Variants in COL11A1 observed in about 807,000 individuals in gnomAD.
The protein encoded by COL11A1 is collagen type XI alpha 1 chain, also known as collagen alpha-1(XI) chain.
Under a neutral mutation model 265.2 loss-of-function variants are expected in COL11A1, and 74 were observed. The ratio of observed to expected loss-of-function variants is 0.28; its 90% CI spans 0.23 to 0.34. COL11A1 has a LOEUF of 0.34. Ranked by LOEUF, COL11A1 falls within the 10% of genes least tolerant of loss-of-function variation. The pLI is 1.00. For missense variants in COL11A1, 2,165 were observed against 2,263.6 expected (o/e 0.96, Z 0.88); for synonymous variants, 816 against 727.6 (o/e 1.12, Z -1.96).
chr1:102,926,933 T>A (rs1656659948), intron 46 of COL11A1, among the ~76,000 whole-genome samples: 1 of 152,118 alleles, frequency 6.6e-6, no homozygotes, highest in African/African-American at 2.4e-5. Context: ...ATGACAAATA[T>A]GAAAGTGAAG....
chr1:102,980,560 T>C (rs1402393309), intron 31 of COL11A1, among the ~76,000 whole-genome samples: 1 of 152,160 alleles, frequency 6.6e-6, no homozygotes, highest in Non-Finnish European at 1.5e-5. Flanking sequence ...GTAAAATGTC[T>C]AGCCTCTGTG....
At position 102,960,487 on chromosome 1, in the gene COL11A1, TGG is replaced by T. The variant is rs36115713; in HGVS notation, c.3168+1377_3168+1378del. On this transcript the variant is annotated intron_variant, in intron 41 of 66. Transcript: ENST00000370096. ...TAATAAAGGTCACTGGGTGTGTGTG[TGG>T]GGGGGGGAATTTTTACAAATACATG... Among the ~76,000 whole-genome samples the T allele has an allele frequency of 5.9e-3, 708 of 119,818 alleles. 1 individual carries two copies. The highest frequency in any genetic ancestry group is 0.024 in the South Asian group (83 of 3,452). 78.6% of individuals were successfully genotyped at this position (119,818 alleles called of 152,430 possible). A position where few individuals can be genotyped will look rare whatever the true frequency, so the allele number is the denominator to read the frequency against.
chr1:102,922,420 G>A (rs1270710430), intron 47 of COL11A1, among the ~76,000 whole-genome samples: 3 of 152,074 alleles, frequency 2.0e-5, no homozygotes, highest in East Asian at 1.9e-4. Context: ...TTTCTGAGAC[G>A]GAGTCTTGCT....
intron 28 of COL11A1, 30 bp downstream of exon 28, chr1:102,995,834 A>C (rs376557729): frequency 1.9e-5 from 30 of 1,558,250 alleles, no homozygotes; most frequent in Non-Finnish European, 2.2e-5. Context: ...ATACACAGAA[A>C]TTAATACCAT....
chr1:103,010,246 TC>T (rs1399337538), intron 14 of COL11A1, among the ~76,000 whole-genome samples: 4 of 152,182 alleles, frequency 2.6e-5, no homozygotes, highest in Admixed American at 1.3e-4. Flanking sequence ...CTTTTCTAAA[TC>T]TTAATCTAGT....
intron 28 of COL11A1, among the ~76,000 whole-genome samples, chr1:102,994,001 G>A (rs1319407585): frequency 1.3e-5 from 2 of 152,152 alleles, no homozygotes; most frequent in East Asian, 3.9e-4. Flanking sequence ...GTGAGCTAAT[G>A]TGAAATGCAT....
At chr1:102,883,488 T>A (rs1275771566) in intron 63 of COL11A1, among the ~76,000 whole-genome samples, 177 bp from the exon 64 acceptor site, 1 of 152,200 alleles carries the variant, frequency 6.6e-6, no homozygotes, top group African/African-American at 2.4e-5. Flanking sequence ...ATACTTTCTC[T>A]TGTCTGCCTC....
chr1:102,881,845 T>C (rs1650283104), intron 64 of COL11A1, 80 bp from the exon 65 acceptor site: 1 of 1,016,666 alleles, frequency 9.8e-7, no homozygotes, highest in Non-Finnish European at 1.5e-6. Context: ...ATATAATTCA[T>C]TTTCAGTAAG....
chr1:102,900,689 A>G (rs1557792793), intron 54 of COL11A1, among the ~76,000 whole-genome samples: 2 of 152,170 alleles, frequency 1.3e-5, no homozygotes, highest in South Asian at 2.1e-4. Flanking sequence ...GAGAAAGAAA[A>G]TCAGTATTAG....
chr1:102,977,489 G>A (rs1431906779), intron 35 of COL11A1, among the ~76,000 whole-genome samples: 1 of 152,086 alleles, frequency 6.6e-6, no homozygotes, highest in Non-Finnish European at 1.5e-5. Context: ...TTAAAATGCA[G>A]TATCAGCAAA....
At chr1:102,983,029 C>T (rs866285279) in intron 31 of COL11A1, among the ~76,000 whole-genome samples, 1 of 152,018 alleles carries the variant, frequency 6.6e-6, no homozygotes, top group Non-Finnish European at 1.5e-5. Context: ...TTCTCTGTCT[C>T]CCTCCTGTAT....
At position 103,031,102 on chromosome 1, in the gene COL11A1, C is replaced by G; in HGVS notation, c.780+14G>C. Reference sequence around the variant, plus strand: ...CTGAAATACGAAGACCTTCTCTGGTCTTGTGCTCCTCACCTCATCTATCTG... The same window carrying G: ...CTGAAATACGAAGACCTTCTCTGGTGTTGTGCTCCTCACCTCATCTATCTG... On this transcript the variant is annotated intron_variant, in intron 5 of 66. Transcript: ENST00000370096. 6.2e-7 allele frequency: 1 copy of G among 1,613,124 alleles called. No individual in the cohort carries two copies. The highest frequency in any genetic ancestry group is 1.3e-5 in the African/African-American group (1 of 75,010).
chr1:102,881,761 C>A lies in COL11A1; in HGVS notation c.4976G>T (p.Arg1659Ile). The change falls in exon 65 of 67, where the codon AGA becomes ATA. Residue 1659 changes from arginine to isoleucine, a missense_variant. Physicochemically the swap from Arg to Ile is moderately conservative, Grantham distance 97. Coordinates refer to ENST00000370096, the MANE Select transcript of COL11A1 (RefSeq NM_001854.4). The part of the protein sequence containing the change: ...IYPDKKSEGV[R>I]ISSWPKEKPG... ...TTTCTCCTTTGGCCATGATGAAATT[C>A]TTACCTGTTGCAAAGGAACAGAAAA... The A allele has an allele frequency of 2.5e-6, 4 of 1,612,316 alleles. No individual in the cohort carries two copies. Among genetic ancestry groups the A allele is most frequent in the Non-Finnish European group, 3.4e-6 (4 of 1,178,968 alleles).
intron 1 of COL11A1, among the ~76,000 whole-genome samples, chr1:103,093,586 CA>C (rs1673500667): frequency 1.3e-5 from 2 of 152,242 alleles, no homozygotes; most frequent in Admixed American, 1.3e-4. Flanking sequence ...TTGCTAACCC[CA>C]AGCCTTGAAG....
intron 44 of COL11A1, among the ~76,000 whole-genome samples, 197 bp downstream of exon 44, chr1:102,938,838 A>G (rs569564128): frequency 6.6e-6 from 1 of 152,278 alleles, no homozygotes; most frequent in African/African-American, 2.4e-5. Flanking sequence ...TACAATCATC[A>G]TACTTTACTT....
chr1:102,878,209 AT>A (rs1649742982), intron 66 of COL11A1, 44 bp from the exon 67 acceptor site: 1 of 1,537,200 alleles, frequency 6.5e-7, no homozygotes, highest in Admixed American at 1.8e-5. Context: ...ATCTTTTAAT[AT>A]TTTTAAATGC....
At chr1:103,083,785 T>C (rs1672631257) in intron 1 of COL11A1, among the ~76,000 whole-genome samples, 1 of 152,188 alleles carries the variant, frequency 6.6e-6, no homozygotes, top group Admixed American at 6.5e-5. Flanking sequence ...TGAAAGTCCC[T>C]GGAGATGAGT....
intron 4 of COL11A1, among the ~76,000 whole-genome samples, chr1:103,037,255 TGTG>T (rs1668449925): frequency 1.5e-3 from 38 of 26,050 alleles, no homozygotes; most frequent in East Asian, 5.3e-3. Flanking sequence ...ATTTAGATTG[TGTG>T]TGTGTGTGTG....
intron 4 of COL11A1, among the ~76,000 whole-genome samples, chr1:103,062,114 C>G (rs938640916): frequency 1.3e-5 from 2 of 151,912 alleles, no homozygotes; most frequent in African/African-American, 2.4e-5. Context: ...TTGGTAGATC[C>G]AATCTGTAAA....
Sources: allele counts gnomAD v4.1 joint callset (sites outside exome capture counted in the v4.1 genomes callset), GRCh38; gene constraint gnomAD v4.1.1; transcripts MANE v1.5; gene names NCBI Gene and HGNC (gene_info 2026-07-23, HGNC 2026-07-21).